Variants in NPAS3 observed in about 807,000 individuals in gnomAD.
NPAS3 encodes neuronal PAS domain protein 3.
A neutral mutation model predicts 73.1 loss-of-function variants in NPAS3; 14 were observed. That is an observed-to-expected ratio of 0.19 (90% CI 0.13 to 0.30). The LOEUF is 0.30. NPAS3 is among the 10% of genes least tolerant of loss of function. The pLI, the probability that NPAS3 is intolerant of heterozygous loss-of-function variation, is 1.00. For synonymous variants in NPAS3, 620 were observed against 541.5 expected, an observed-to-expected ratio of 1.14 and a Z score of -2.01; for missense variants, 1,096 against 1,250.0, an observed-to-expected ratio of 0.88 and a Z score of 1.86.
At position 33,077,408 on chromosome 14, in the gene NPAS3, G is replaced by A. The variant is rs559906072; in HGVS notation, c.140+21414G>A. On this transcript the variant is annotated intron_variant, in intron 2 of 11. Coordinates refer to ENST00000356141, the Ensembl canonical transcript of NPAS3. ...CCAGGAATGCTCTTTCCTGTTTCCT[G>A]TGTTTAAATTTTCTCTGTAATGCCT... 2.6e-5 allele frequency among the ~76,000 whole-genome samples: 4 copies of A among 152,222 alleles called. No homozygotes were observed. In the South Asian group the frequency reaches 8.3e-4, roughly 32 times the overall value.
intron 2 of NPAS3, among the ~76,000 whole-genome samples, chr14:33,196,079 G>A (rs1487182863): frequency 1.3e-5 from 2 of 152,218 alleles, no homozygotes; most frequent in Admixed American, 6.5e-5. Flanking sequence ...AAGTCACACA[G>A]CTATTACTGG....
In NPAS3 at chr14:33,712,251, T is replaced by C. The variant is rs17101743; in HGVS notation, c.734-22963T>C. On this transcript the variant is annotated intron_variant, in intron 6 of 11. Coordinates refer to ENST00000356141, the Ensembl canonical transcript of NPAS3. ...ATTGCTTCTGTACCACGTTCTAGCC[T>C]CAGCTGGCACAGGTGAAGCAAAACA... Among the ~76,000 whole-genome samples the C allele has an allele frequency of 6.9e-3, 1,048 of 152,244 alleles. 18 individuals are homozygous for C. Among genetic ancestry groups the C allele is most frequent in the African/African-American group, 0.023 (962 of 41,542 alleles).
chr14:33,225,191 G>C (rs1180664813), intron 3 of NPAS3, among the ~76,000 whole-genome samples: 1 of 152,138 alleles, frequency 6.6e-6, no homozygotes, highest in Non-Finnish European at 1.5e-5. Flanking sequence ...GGAGGAAATT[G>C]GTTAGTCTGT....
chr14:33,478,492 G>C (rs2051153473), intron 4 of NPAS3, among the ~76,000 whole-genome samples: 1 of 152,126 alleles, frequency 6.6e-6, no homozygotes, highest in Non-Finnish European at 1.5e-5. Flanking sequence ...CTCCCAAGGA[G>C]TCTGATTACA....
intron 1 of NPAS3, among the ~76,000 whole-genome samples, chr14:32,948,229 TATACATAAATAC>T (rs1459885370): frequency 6.6e-6 from 1 of 152,168 alleles, no homozygotes; most frequent in African/African-American, 2.4e-5. Context: ...GTTTCTTCTT[TATACATAAATAC>T]TTAAAAAATT....
At chr14:33,543,168 C>T (rs557275070) in intron 4 of NPAS3, among the ~76,000 whole-genome samples, 1 of 152,196 alleles carries the variant, frequency 6.6e-6, no homozygotes, top group East Asian at 1.9e-4. Flanking sequence ...TTCTCATGAC[C>T]CAGCTCTCAT....
At chr14:33,622,260 T>A (rs2058096842) in intron 5 of NPAS3, among the ~76,000 whole-genome samples, 1 of 151,580 alleles carries the variant, frequency 6.6e-6, no homozygotes, top group Non-Finnish European at 1.5e-5. Flanking sequence ...GTCAATAAAG[T>A]GGAACCATAA....
chr14:33,716,090 A>T (rs563948766), intron 6 of NPAS3, among the ~76,000 whole-genome samples: 1 of 152,328 alleles, frequency 6.6e-6, no homozygotes, highest in South Asian at 2.1e-4. Context: ...AACACTGACC[A>T]TGAACTCCTT....
intron 2 of NPAS3, among the ~76,000 whole-genome samples, chr14:33,168,648 C>A (rs569998754): frequency 6.6e-6 from 1 of 152,224 alleles, no homozygotes; most frequent in African/African-American, 2.4e-5. Flanking sequence ...ACTCAGAAGG[C>A]ACCAAGGATG....
chr14:33,578,341 GTACTA>G, intron 5 of NPAS3: 1 of 406,180 alleles, frequency 2.5e-6, no homozygotes, highest in Non-Finnish European at 4.8e-6. Flanking sequence ...TTACAGGCAT[GTACTA>G]CCACACCTGG....
intron 4 of NPAS3, among the ~76,000 whole-genome samples, chr14:33,462,313 T>C (rs1010957671): frequency 3.3e-5 from 5 of 152,194 alleles, no homozygotes; most frequent in Non-Finnish European, 1.5e-5. Flanking sequence ...TCATTATTGC[T>C]GCTGGCAAAC....
intron 4 of NPAS3, among the ~76,000 whole-genome samples, chr14:33,481,936 T>G (rs543190672): frequency 1.3e-4 from 20 of 151,852 alleles, no homozygotes; most frequent in African/African-American, 4.8e-4. Context: ...AAAAGAAATT[T>G]AAAAATAAAA....
chr14:32,959,884 G>C (rs2036834970), intron 1 of NPAS3, among the ~76,000 whole-genome samples: 1 of 152,054 alleles, frequency 6.6e-6, no homozygotes, highest in African/African-American at 2.4e-5. Flanking sequence ...TATGCTGACT[G>C]AAGTCAGGTA....
chr14:33,076,957 C>T (rs1254218332), intron 2 of NPAS3, among the ~76,000 whole-genome samples: 2 of 152,010 alleles, frequency 1.3e-5, no homozygotes, highest in Admixed American at 6.5e-5. Flanking sequence ...ATATCCAGGA[C>T]TTTGTGAGGC....
At chr14:32,980,663 G>C (rs142679814) in intron 1 of NPAS3, among the ~76,000 whole-genome samples, 3 of 152,238 alleles carry the variant, frequency 2.0e-5, no homozygotes, top group African/African-American at 7.2e-5. Flanking sequence ...GTAGCATCAA[G>C]GACCTCTGAG....
chr14:33,721,354 A>G (rs1417798195), intron 6 of NPAS3, among the ~76,000 whole-genome samples: 2 of 152,200 alleles, frequency 1.3e-5, no homozygotes, highest in Admixed American at 1.3e-4. Context: ...AGCTTTCAGA[A>G]TAAGGGCCTT....
chr14:33,654,462 T>C (rs769409025), intron 5 of NPAS3, among the ~76,000 whole-genome samples: 29 of 152,318 alleles, frequency 1.9e-4, no homozygotes, highest in East Asian at 1.9e-4. Flanking sequence ...ACCAGGTAGA[T>C]ATTTTATGTC....
intron 5 of NPAS3, among the ~76,000 whole-genome samples, chr14:33,579,406 T>C (rs2056573903): frequency 6.6e-6 from 1 of 152,240 alleles, no homozygotes; most frequent in South Asian, 2.1e-4. Flanking sequence ...ACAGGATCTC[T>C]GTATGTGACT....
At chr14:33,243,764 C>G (rs2048286958) in intron 3 of NPAS3, among the ~76,000 whole-genome samples, 1 of 150,016 alleles carries the variant, frequency 6.7e-6, no homozygotes, top group Non-Finnish European at 1.5e-5. Flanking sequence ...CCAGCTCTAC[C>G]AATTAAAAAA....
Sources: gnomAD v4.1 joint callset for allele counts (sites outside exome capture counted in the v4.1 genomes callset) on GRCh38, gnomAD v4.1.1 for gene constraint, MANE v1.5 for transcripts, NCBI Gene and HGNC (gene_info 2026-07-23, HGNC 2026-07-21) for gene names.